The following ZFPM2 variants were observed in gnomAD, a reference collection of about 807,000 sequenced individuals.
ZFPM2 encodes zinc finger protein ZFPM2.
Under a neutral mutation model 98.6 loss-of-function variants are expected in ZFPM2, and 20 were observed. The observed-to-expected ratio is 0.20, with a 90% CI of 0.14 to 0.29. The LOEUF is 0.29. Ranked by LOEUF, ZFPM2 falls within the 10% of genes least tolerant of loss-of-function variation. The probability of loss-of-function intolerance (pLI) is 1.00; values close to 1 mark genes in which losing one functional copy is unlikely to be tolerated. For missense variants in ZFPM2, 1,310 were observed against 1,388.6 expected (o/e 0.94, Z 0.90); for synonymous variants, 518 against 502.7 (o/e 1.03, Z -0.41).
At chr8:105,601,712 A>G (rs1018020781) in intron 4 of ZFPM2, among the ~76,000 whole-genome samples, 2 of 152,086 alleles carry the variant, frequency 1.3e-5, no homozygotes, top group Admixed American at 1.3e-4. Flanking sequence ...GGATTTGCAG[A>G]AAGTCACACA....
chr8:105,335,026 T>C (rs1732330144), intron 1 of ZFPM2, among the ~76,000 whole-genome samples: 1 of 151,706 alleles, frequency 6.6e-6, no homozygotes, highest in African/African-American at 2.4e-5. Context: ...AATTCATAAA[T>C]GCCAGCATAA....
chr8:105,560,809 T>G (rs1815118979), intron 3 of ZFPM2, among the ~76,000 whole-genome samples: 1 of 152,152 alleles, frequency 6.6e-6, no homozygotes, highest in African/African-American at 2.4e-5. Flanking sequence ...TAGAGTTCTA[T>G]TCAGTATACC....
In ZFPM2 at chr8:105,798,771, C is replaced by G; in HGVS notation, c.787C>G (p.Arg263Gly). 1 of 1,613,822 alleles carries G rather than the reference C, an allele frequency of 6.2e-7. No individual in the cohort carries two copies. The highest frequency in any genetic ancestry group is 8.5e-7 in the Non-Finnish European group (1 of 1,179,844). ...KSCGIWYRSE[R>G]NLQAHLMYYC... ...CTGTGGCATCTGGTATCGGAGTGAG[C>G]GGAATCTGCAGGCCCATTTGATGTA... The change falls in exon 7 of 8, where the codon CGG (arginine) becomes GGG (glycine). Residue 263 changes from arginine (R) to glycine (G), a missense_variant. Transcript: ENST00000407775.
At chr8:105,384,341 A>T (rs1322839108) in intron 1 of ZFPM2, among the ~76,000 whole-genome samples, 1 of 152,196 alleles carries the variant, frequency 6.6e-6, no homozygotes, top group Non-Finnish European at 1.5e-5. Context: ...AATTCTCCTG[A>T]TGGAAGAGAA....
At chr8:105,763,320 T>C (rs1812778012) in intron 5 of ZFPM2, among the ~76,000 whole-genome samples, 1 of 151,714 alleles carries the variant, frequency 6.6e-6, no homozygotes, top group Non-Finnish European at 1.5e-5. Context: ...CCAATCTCCT[T>C]CCAGAATAAC....
intron 5 of ZFPM2, among the ~76,000 whole-genome samples, chr8:105,697,237 G>A (rs1811038258): frequency 6.6e-6 from 1 of 152,220 alleles, no homozygotes; most frequent in East Asian, 1.9e-4. Context: ...TAGAATGAGC[G>A]CTTAATCTTA....
chr8:105,615,379 A>G (rs749629168), intron 4 of ZFPM2, among the ~76,000 whole-genome samples: 1 of 152,122 alleles, frequency 6.6e-6, no homozygotes, highest in Non-Finnish European at 1.5e-5. Flanking sequence ...TTGTAGTTTT[A>G]CTTTTCTGCA....
intron 1 of ZFPM2, among the ~76,000 whole-genome samples, chr8:105,347,535 C>T (rs980443950): frequency 1.3e-5 from 2 of 152,072 alleles, no homozygotes; most frequent in African/African-American, 2.4e-5. Context: ...TCAAATAGGA[C>T]TACTAAAGGT....
intron 2 of ZFPM2, among the ~76,000 whole-genome samples, chr8:105,431,978 A>G (rs1457368211): frequency 6.6e-6 from 1 of 151,628 alleles, no homozygotes; most frequent in Admixed American, 6.6e-5. Context: ...CGAGGCATTA[A>G]CTAGGCAAAA....
intron 5 of ZFPM2, among the ~76,000 whole-genome samples, chr8:105,650,410 T>G (rs1356322923): frequency 6.6e-6 from 1 of 152,194 alleles, no homozygotes; most frequent in Non-Finnish European, 1.5e-5. Flanking sequence ...ATTTCTTGCC[T>G]TCTGCTAGCT....
intron 3 of ZFPM2, among the ~76,000 whole-genome samples, chr8:105,540,156 TA>T (rs1338974391): frequency 1.3e-5 from 2 of 152,172 alleles, no homozygotes. Context: ...GGTGAAAGCC[TA>T]TTTTTTAGAA....
chr8:105,603,101 A>G (rs964894743), intron 4 of ZFPM2, among the ~76,000 whole-genome samples: 1 of 152,104 alleles, frequency 6.6e-6, no homozygotes, highest in Admixed American at 6.6e-5. Flanking sequence ...GTCTCTCCAT[A>G]TGGCAGCTCT....
intron 5 of ZFPM2, among the ~76,000 whole-genome samples, chr8:105,718,157 C>A (rs1481098460): frequency 6.6e-6 from 1 of 151,992 alleles, no homozygotes; most frequent in East Asian, 1.9e-4. Context: ...TGGCAACTAC[C>A]TGGGACTGAA....
intron 1 of ZFPM2, among the ~76,000 whole-genome samples, chr8:105,413,153 T>G (rs1431597366): frequency 2.6e-5 from 4 of 151,802 alleles, no homozygotes; most frequent in African/African-American, 9.7e-5. Context: ...GAGCTTTATA[T>G]TTTGTATTTT....
At chr8:105,389,986 C>T (rs142268402) in intron 1 of ZFPM2, among the ~76,000 whole-genome samples, 220 of 152,248 alleles carry the variant, frequency 1.4e-3, no homozygotes, top group African/African-American at 4.6e-3. Context: ...GGTTTAAGTA[C>T]GTCCCTTATA....
In ZFPM2 at chr8:105,739,856, C is replaced by T. The variant is rs142975518; in HGVS notation, c.533-48862C>T. ...GTAGACAATTCAAAGAAAAGCAATG[C>T]CCATACAAATAATAGATGCCATGCT... is the stretch of plus-strand genomic sequence containing the variant. On this transcript the variant is annotated intron_variant, in intron 5 of 7. Transcript: ENST00000407775. Among the ~76,000 whole-genome samples the T allele has an allele frequency of 5.7e-3, 862 of 152,070 alleles. 5 individuals carry two copies. Among genetic ancestry groups the T allele is most frequent in the African/African-American group, 0.019 (788 of 41,522 alleles).
intron 3 of ZFPM2, among the ~76,000 whole-genome samples, chr8:105,519,256 G>C (rs1246445938): frequency 6.6e-6 from 1 of 152,036 alleles, no homozygotes; most frequent in Non-Finnish European, 1.5e-5. Flanking sequence ...GTGTATAATT[G>C]GTGGGTGAGA....
chr8:105,706,314 C>T (rs1164982986), intron 5 of ZFPM2, among the ~76,000 whole-genome samples: 1 of 151,978 alleles, frequency 6.6e-6, no homozygotes, highest in Non-Finnish European at 1.5e-5. Context: ...GCCTAAAATA[C>T]AAAAATCAGA....
chr8:105,544,403 A>C (rs1394609215), intron 3 of ZFPM2, among the ~76,000 whole-genome samples: 1 of 151,942 alleles, frequency 6.6e-6, no homozygotes, highest in Admixed American at 6.6e-5. Context: ...CTTGTAATTG[A>C]TTATGTGTTT....
Sources: allele counts gnomAD v4.1 joint callset (sites outside exome capture counted in the v4.1 genomes callset), GRCh38; gene constraint gnomAD v4.1.1; transcripts MANE v1.5; gene names NCBI Gene and HGNC (gene_info 2026-07-23, HGNC 2026-07-21).